Variants in VPS13B observed in about 807,000 individuals in gnomAD.
The protein encoded by VPS13B is intermembrane lipid transfer protein VPS13B.
Under a neutral mutation model 426.4 loss-of-function variants are expected in VPS13B, and 285 were observed. That is an observed-to-expected ratio of 0.67 (90% CI 0.61 to 0.74). The LOEUF is 0.74. VPS13B is among the 30% of genes least tolerant of loss of function. VPS13B has a pLI of 0.00. For synonymous variants in VPS13B, 1,676 were observed against 1,676.4 expected (o/e 1.00, Z 0.01); for missense variants, 4,537 against 4,782.6 (o/e 0.95, Z 1.51).
At chr8:99,828,394 G>GCTTTTTTTTTTTTTTTTTTTTTTTT (rs1563495224) in intron 51 of VPS13B, among the ~76,000 whole-genome samples, 1 of 17,424 alleles carries the variant, frequency 5.7e-5, no homozygotes, top group East Asian at 1.9e-3. Flanking sequence ...TACAACCACC[G>GCTTTTTTTTTTTTTTTTTTTTTTTT]TTTTTTTTTT....
intron 21 of VPS13B, among the ~76,000 whole-genome samples, chr8:99,401,793 G>A (rs1815051996): frequency 6.6e-6 from 1 of 152,174 alleles, no homozygotes; most frequent in South Asian, 2.1e-4. Context: ...TTGAACCTGG[G>A]AGGTGGAGGT....
At chr8:99,627,070 C>T (rs1340385848) in intron 33 of VPS13B, among the ~76,000 whole-genome samples, 2 of 151,962 alleles carry the variant, frequency 1.3e-5, no homozygotes, top group Non-Finnish European at 2.9e-5. Context: ...GTTGAACTCA[C>T]AGAAGTAGAA....
In VPS13B at chr8:99,038,456, C is replaced by T; in HGVS notation, c.181C>T (p.His61Tyr). The T allele has an allele frequency of 6.2e-7, 1 of 1,608,156 alleles. No individual in the cohort carries two copies. Among genetic ancestry groups the T allele is most frequent in the Non-Finnish European group, 8.5e-7 (1 of 1,176,554 alleles). ...LKLPFTFLSG[H>Y]IHELRIHVPW... Reference sequence around the variant, plus strand: ...ATTACCATTCACTTTTTTAAGTGGACATATTCATGAATTGAGGATTCATGT... The same window carrying T: ...ATTACCATTCACTTTTTTAAGTGGATATATTCATGAATTGAGGATTCATGT... Residue 61 changes from histidine to tyrosine, a missense_variant, in exon 3 of 62, where the codon CAT becomes TAT. By Grantham distance (83) the His-to-Tyr change is moderately conservative. Transcript: ENST00000357162.
chr8:99,818,163 A>G (rs1046069753), intron 45 of VPS13B, among the ~76,000 whole-genome samples: 2 of 152,104 alleles, frequency 1.3e-5, no homozygotes. Flanking sequence ...TACCATCATC[A>G]CTTTCATTCC....
In VPS13B at chr8:99,784,888, G is replaced by A. The variant is rs890741107; in HGVS notation, c.7941+412G>A. Reference sequence around the variant, plus strand: ...GCATTAATACATAAGCATTGTGTTCGGTATTATTATTCATTTGTTTCTTCA... The same window carrying A: ...GCATTAATACATAAGCATTGTGTTCAGTATTATTATTCATTTGTTTCTTCA... On this transcript the variant is annotated intron_variant, in intron 43 of 61. Transcript: ENST00000357162. Among the ~76,000 whole-genome samples, 4 of 152,066 alleles carry A rather than the reference G, an allele frequency of 2.6e-5. No individual in the cohort carries two copies. In the South Asian group the frequency reaches 6.2e-4, roughly 24 times the overall value.
At chr8:99,691,325 G>C (rs1388316835) in intron 35 of VPS13B, among the ~76,000 whole-genome samples, 1 of 151,820 alleles carries the variant, frequency 6.6e-6, no homozygotes, top group African/African-American at 2.4e-5. Context: ...ACAAACTTGT[G>C]TATACTAAAA....
chr8:99,428,719 G>T (rs1040356704), intron 21 of VPS13B, among the ~76,000 whole-genome samples: 1 of 152,218 alleles, frequency 6.6e-6, no homozygotes, highest in Non-Finnish European at 1.5e-5. Flanking sequence ...GGAAGTCAGT[G>T]TGGTGATTCC....
intron 17 of VPS13B, among the ~76,000 whole-genome samples, chr8:99,219,156 C>G (rs1051505516): frequency 1.3e-5 from 2 of 152,104 alleles, no homozygotes; most frequent in African/African-American, 4.8e-5. Context: ...GCAGCGTAAA[C>G]AGGTAGGCCA....
chr8:99,087,615 GTT>G (rs796919366), intron 3 of VPS13B, among the ~76,000 whole-genome samples: 4 of 129,154 alleles, frequency 3.1e-5, no homozygotes, highest in Admixed American at 7.8e-5. Context: ...CTGTTTTTTT[GTT>G]TTTTTTTTTT....
rs141275433 is a variant in VPS13B at position 99,720,400 on chromosome 8, A to G, written c.6713A>G (p.Asn2238Ser). 3.2e-5 allele frequency: 52 copies of G among 1,613,796 alleles called. No individual in the cohort carries two copies. The highest frequency in any genetic ancestry group is 2.1e-4 in the African/African-American group (16 of 74,930). Reference sequence around the variant, plus strand: ...TTAGTTCTTCTACATGAATTACTCAATGGATACCTTAATGAGGAGGGAAAT... The same window carrying G: ...TTAGTTCTTCTACATGAATTACTCAGTGGATACCTTAATGAGGAGGGAAAT... ...NCLVLLHELL[N>S]GYLNEEGNFE... is the part of the protein sequence containing the mutation. Residue 2238 changes from asparagine to serine, a missense_variant, in exon 38 of 62, where the codon AAT becomes AGT. Asn to Ser is a conservative substitution (Grantham distance 46). Around this residue, in one of 2 missense-constraint regions of VPS13B, gnomAD observed 4,311 missense variants for 4,474.3 expected, o/e 0.96. Transcript: ENST00000357162.
intron 2 of VPS13B, among the ~76,000 whole-genome samples, chr8:99,025,857 A>G (rs1842110881): frequency 6.6e-6 from 1 of 152,072 alleles, no homozygotes; most frequent in South Asian, 2.1e-4. Context: ...CTTGTTCATA[A>G]TGGTCACTAA....
intron 35 of VPS13B, among the ~76,000 whole-genome samples, chr8:99,686,850 C>T (rs1380598386): frequency 6.6e-6 from 1 of 152,054 alleles, no homozygotes; most frequent in Non-Finnish European, 1.5e-5. Context: ...GGTGCTCTTT[C>T]CCACTGTGGG....
intron 30 of VPS13B, among the ~76,000 whole-genome samples, chr8:99,542,323 G>A (rs1021849520): frequency 4.6e-5 from 7 of 152,132 alleles, no homozygotes; most frequent in African/African-American, 1.2e-4. Flanking sequence ...TCTTGATTAT[G>A]GTTAGTGGAT....
intron 23 of VPS13B, among the ~76,000 whole-genome samples, chr8:99,450,184 T>G (rs577773259): frequency 4.5e-4 from 68 of 152,272 alleles, no homozygotes; most frequent in African/African-American, 1.6e-3. Flanking sequence ...ATAATTTGTT[T>G]AAAAATATTA....
intron 39 of VPS13B, among the ~76,000 whole-genome samples, chr8:99,742,979 A>T (rs550953359): frequency 1.2e-3 from 186 of 152,318 alleles, no homozygotes; most frequent in African/African-American, 4.2e-3. Context: ...TGGCCAGGGC[A>T]ATCAGGCAGG....
At chr8:99,051,473 A>T (rs1031279398) in intron 3 of VPS13B, among the ~76,000 whole-genome samples, 5 of 151,664 alleles carry the variant, frequency 3.3e-5, no homozygotes, top group Non-Finnish European at 5.9e-5. Flanking sequence ...TGATGCCTCC[A>T]GCTTTGTTCT....
At chr8:99,292,043 C>G (rs916522676) in intron 19 of VPS13B, among the ~76,000 whole-genome samples, 5 of 151,922 alleles carry the variant, frequency 3.3e-5, no homozygotes, top group Non-Finnish European at 1.5e-5. Flanking sequence ...GCTTTGTTTT[C>G]TAAGACAAAT....
At chr8:99,257,182 G>T (rs1255185136) in intron 17 of VPS13B, among the ~76,000 whole-genome samples, 1 of 152,084 alleles carries the variant, frequency 6.6e-6, no homozygotes, top group Non-Finnish European at 1.5e-5. Context: ...TGTGAGTTTT[G>T]GAGGGAATAT....
intron 35 of VPS13B, among the ~76,000 whole-genome samples, chr8:99,681,456 C>T (rs1027909381): frequency 3.9e-5 from 6 of 152,190 alleles, no homozygotes; most frequent in African/African-American, 9.6e-5. Context: ...GGCCTACTAA[C>T]GTACGTCTTG....
Sources: allele counts gnomAD v4.1 joint callset (sites outside exome capture counted in the v4.1 genomes callset), GRCh38; gene constraint gnomAD v4.1.1; regional missense constraint gnomAD v4.1.1; transcripts MANE v1.5; gene names NCBI Gene and HGNC (gene_info 2026-07-23, HGNC 2026-07-21).